The following PDZD2 variants were observed in gnomAD, a reference collection of about 807,000 sequenced individuals.
PDZD2 encodes PDZ domain containing 2, also known as PDZ domain-containing protein 2.
A neutral mutation model predicts 220.7 loss-of-function variants in PDZD2; 90 were observed. The observed-to-expected ratio is 0.41, with a 90% confidence interval of 0.34 to 0.49. The LOEUF (loss-of-function observed/expected upper bound fraction) is 0.49, where lower values mean the gene tolerates loss of function less well. PDZD2 is among the 20% of genes least tolerant of loss of function. The probability of loss-of-function intolerance (pLI) is 0.28; values close to 1 mark genes in which losing one functional copy is unlikely to be tolerated. For synonymous variants in PDZD2, 1,375 were observed against 1,450.5 expected, an observed-to-expected ratio of 0.95 and a Z score of 1.18; for missense variants, 3,174 against 3,608.5, an observed-to-expected ratio of 0.88 and a Z score of 3.08.
At position 31,906,564 on chromosome 5, in the gene PDZD2, C is replaced by T. The variant is rs1198918764; in HGVS notation, c.477-76591C>T. 2.6e-5 allele frequency among the ~76,000 whole-genome samples: 4 copies of T among 151,930 alleles called. No homozygotes were observed. In the South Asian group the frequency reaches 6.2e-4, roughly 24 times the overall value. On this transcript the variant is annotated intron_variant, in intron 2 of 24. Transcript: ENST00000438447. Reference sequence around the variant, plus strand: ...AATCTATTAAGAGACTATTTATAGCCGGGTGCAGTGGCTCACCCCTGTAAT... The same window carrying T: ...AATCTATTAAGAGACTATTTATAGCTGGGTGCAGTGGCTCACCCCTGTAAT...
At chr5:32,038,286 T>TA (rs1217503020) in intron 7 of PDZD2, among the ~76,000 whole-genome samples, 20 of 248 alleles carry the variant, frequency 0.081, no homozygotes, top group Middle Eastern at 0.5. Flanking sequence ...ATCCCAACAC[T>TA]TGGGAGGCTG....
intron 2 of PDZD2, chr5:31,843,276 T>TC (rs1757420479): frequency 6.6e-6 from 1 of 151,844 alleles, no homozygotes; most frequent in Admixed American, 6.6e-5. Flanking sequence ...TCTTTCTTTT[T>TC]TTTTTTTTTA....
At chr5:31,675,272 G>A (rs1040973567) in intron 1 of PDZD2, among the ~76,000 whole-genome samples, 2 of 152,188 alleles carry the variant, frequency 1.3e-5, no homozygotes, top group Admixed American at 1.3e-4. Context: ...AAAGCTGGTA[G>A]GCTCGTGGGC....
intron 2 of PDZD2, among the ~76,000 whole-genome samples, chr5:31,918,861 T>G (rs540489293): frequency 1.3e-5 from 2 of 152,272 alleles, no homozygotes; most frequent in Admixed American, 1.3e-4. Context: ...AGGGGAATCC[T>G]GGGTGGCATG....
chr5:31,764,105 G>T (rs1257219293), intron 1 of PDZD2, among the ~76,000 whole-genome samples: 1 of 152,092 alleles, frequency 6.6e-6, no homozygotes, highest in Non-Finnish European at 1.5e-5. Flanking sequence ...GGAACTCGGG[G>T]ACTCAGGGAA....
At chr5:31,792,295 C>T (rs1753773929) in intron 1 of PDZD2, among the ~76,000 whole-genome samples, 1 of 152,204 alleles carries the variant, frequency 6.6e-6, no homozygotes, top group Non-Finnish European at 1.5e-5. Flanking sequence ...AGGCAGGCAG[C>T]AGGCTGATGT....
chr5:32,057,805 T>G (rs1739227423), intron 11 of PDZD2, 73 bp from the exon 12 acceptor site: 2 of 549,852 alleles, frequency 3.6e-6, no homozygotes, highest in Non-Finnish European at 5.3e-6. Flanking sequence ...TGGTGAGTTG[T>G]TTTTTTTTTT....
chr5:31,930,068 A>G (rs888808877), intron 2 of PDZD2, among the ~76,000 whole-genome samples: 2 of 152,098 alleles, frequency 1.3e-5, no homozygotes, highest in African/African-American at 4.8e-5. Context: ...GCCTTCTGCC[A>G]CGAGTGAAAG....
chr5:31,931,444 C>T (rs769051202), intron 2 of PDZD2, among the ~76,000 whole-genome samples: 1 of 152,176 alleles, frequency 6.6e-6, no homozygotes, highest in Non-Finnish European at 1.5e-5. Flanking sequence ...AGGCGTGAGG[C>T]GCTGTGCCTG....
intron 2 of PDZD2, among the ~76,000 whole-genome samples, chr5:31,920,503 A>AT (rs779619818): frequency 2.0e-5 from 1 of 49,260 alleles, no homozygotes; most frequent in Non-Finnish European, 3.2e-5. Flanking sequence ...GGTGTTATAT[A>AT]TTTAAAAAAA....
At chr5:32,032,918 T>G (rs1755237735) in intron 6 of PDZD2, among the ~76,000 whole-genome samples, 1 of 152,216 alleles carries the variant, frequency 6.6e-6, no homozygotes, top group Non-Finnish European at 1.5e-5. Flanking sequence ...TAAAGATGCT[T>G]CTTCATTGAG....
chr5:32,080,272 C>T (rs569088310), intron 19 of PDZD2, among the ~76,000 whole-genome samples: 26 of 140,250 alleles, frequency 1.9e-4, no homozygotes, highest in Admixed American at 1.0e-3. Flanking sequence ...GGTGTGAACC[C>T]GGGAGGTGGA....
chr5:31,853,469 C>T (rs978997828), intron 2 of PDZD2, among the ~76,000 whole-genome samples: 7 of 152,126 alleles, frequency 4.6e-5, no homozygotes, highest in Non-Finnish European at 1.0e-4. Flanking sequence ...GCTGTTGTGC[C>T]CACCTGAATG....
chr5:31,787,923 C>T (rs949854778), intron 1 of PDZD2, among the ~76,000 whole-genome samples: 2 of 152,120 alleles, frequency 1.3e-5, no homozygotes, highest in Non-Finnish European at 2.9e-5. Context: ...TCCAGTGGAC[C>T]GCAGCCTCCA....
chr5:31,944,150 T>C (rs1301487027), intron 2 of PDZD2, among the ~76,000 whole-genome samples: 3 of 152,230 alleles, frequency 2.0e-5, no homozygotes, highest in Non-Finnish European at 4.4e-5. Flanking sequence ...TTGGTTTTCT[T>C]TGTAATCCTA....
chr5:31,885,357 T>C (rs542873904), intron 2 of PDZD2, among the ~76,000 whole-genome samples: 206 of 152,190 alleles, frequency 1.4e-3, no homozygotes, highest in African/African-American at 4.8e-3. Context: ...CTTTGTATAC[T>C]GTCAGAGTGA....
At chr5:31,948,214 T>C (rs1746825577) in intron 2 of PDZD2, among the ~76,000 whole-genome samples, 1 of 152,192 alleles carries the variant, frequency 6.6e-6, no homozygotes, top group Non-Finnish European at 1.5e-5. Flanking sequence ...GCTTTCCAGC[T>C]ATGCTCCAGA....
At chr5:31,890,922 C>G in intron 2 of PDZD2, among the ~76,000 whole-genome samples, 1 of 152,118 alleles carries the variant, frequency 6.6e-6, no homozygotes, top group East Asian at 1.9e-4. Context: ...GTAAAAAGGC[C>G]AGACCCCAGG....
chr5:32,024,743 T>C (rs1300154407), intron 6 of PDZD2, among the ~76,000 whole-genome samples: 1 of 151,558 alleles, frequency 6.6e-6, no homozygotes, highest in Non-Finnish European at 1.5e-5. Context: ...TTGGCACATA[T>C]GCCCCATGGA....
Sources: gnomAD v4.1 joint callset for allele counts (sites outside exome capture counted in the v4.1 genomes callset) on GRCh38, gnomAD v4.1.1 for gene constraint, MANE v1.5 for transcripts, NCBI Gene and HGNC (gene_info 2026-07-23, HGNC 2026-07-21) for gene names.